Variants in SPARC observed in about 807,000 individuals in gnomAD.
SPARC encodes secreted protein acidic and cysteine rich.
SPARC carries 23 observed loss-of-function variants against 37.7 expected under a neutral mutation model. The observed-to-expected ratio is 0.61, with a 90% CI of 0.44 to 0.87. The LOEUF (loss-of-function observed/expected upper bound fraction) is 0.87, where lower values mean the gene tolerates loss of function less well. Among genes scored for constraint, SPARC ranks in the 40% least tolerant of loss-of-function variants. The pLI, the probability that SPARC is intolerant of heterozygous loss-of-function variation, is 0.00. For missense variants in SPARC, 312 were observed against 389.0 expected, an observed-to-expected ratio of 0.80 and a Z score of 1.66; for synonymous variants, 155 against 150.8, an observed-to-expected ratio of 1.03 and a Z score of -0.20.
chr5:151,674,197 G>C (rs1352493276), intron 3 of SPARC, among the ~76,000 whole-genome samples: 3 of 152,004 alleles, frequency 2.0e-5, no homozygotes, highest in Non-Finnish European at 4.4e-5. Flanking sequence ...ATTTTTAGTA[G>C]AGACAGGGTT....
chr5:151,673,001 T>TA, intron 4 of SPARC, 128 bp downstream of exon 4: 3 of 731,384 alleles, frequency 4.1e-6, no homozygotes, highest in Non-Finnish European at 7.5e-6. Flanking sequence ...CCGTGTTTCC[T>TA]TCATAGCCCA....
At position 151,661,635 on chromosome 5, in the gene SPARC, T is replaced by C. The variant is rs1258015234; in HGVS notation, c.*1936A>G. On this transcript the variant is annotated 3_prime_UTR_variant, in exon 10 of 10. Coordinates refer to ENST00000231061, the MANE Select transcript of SPARC (RefSeq NM_003118.4). ...AAATACGACACTAACATGATGAACA[T>C]GCATGAGCTTTGAAAAGTGCTCTGT... The C allele has an allele frequency of 1.3e-5, 2 of 152,166 alleles. No individual in the cohort carries two copies. The highest frequency in any genetic ancestry group is 6.5e-5 in the Admixed American group (1 of 15,276). The allele number at this position is 152,166 out of a possible 1,614,324, so 9.4% of individuals were successfully genotyped here. A position where few individuals can be genotyped will look rare whatever the true frequency, so the allele number is the denominator to read the frequency against.
chr5:151,669,628 C>T, intron 6 of SPARC, 36 bp downstream of exon 6: 1 of 1,609,022 alleles, frequency 6.2e-7, no homozygotes, highest in South Asian at 1.1e-5. Context: ...GCTCTCTCCC[C>T]AAGACAGGAG....
At chr5:151,663,901 G>T (rs1202609855) in intron 9 of SPARC, among the ~76,000 whole-genome samples, 186 bp downstream of exon 9, 1 of 152,208 alleles carries the variant, frequency 6.6e-6, no homozygotes, top group Non-Finnish European at 1.5e-5. Context: ...AGGGACAGTT[G>T]GATGGACAGA....
chr5:151,677,295 A>G lies in SPARC; in HGVS notation c.-13-1094T>C, dbSNP rs191036080. On this transcript the variant is annotated intron_variant, in intron 1 of 9. Coordinates refer to ENST00000231061, the MANE Select transcript of SPARC (RefSeq NM_003118.4). ...CTCCCTCAAACTTTCTGATCTGTCT[A>G]CCCCATCTCCCCTGCAGCCACAAAG... Among the ~76,000 whole-genome samples the G allele has an allele frequency of 1.5e-3, 227 of 152,140 alleles. 3 individuals are homozygous for G. Among genetic ancestry groups the G allele is most frequent in the African/African-American group, 5.3e-3 (219 of 41,486 alleles).
chr5:151,677,340 C>T (rs1760879913), intron 1 of SPARC, among the ~76,000 whole-genome samples: 2 of 152,190 alleles, frequency 1.3e-5, no homozygotes, highest in Admixed American at 6.5e-5. Context: ...GCTCTCTCTA[C>T]CCACAAATAA....
In SPARC at chr5:151,664,188, G is replaced by A. The variant is rs1321364517; in HGVS notation, c.782C>T (p.Pro261Leu). ...AAAGCGGGTGGTGCAATGCTCCATG[G>A]GGATGAGGGGAGCACGCAGTGGAGC... ...ELAPLRAPLI[P>L]MEHCTTRFFE... Residue 261 changes from proline to leucine, a missense_variant, in exon 9 of 10, where the codon CCC becomes CTC. Pro to Leu is a moderately conservative substitution (Grantham distance 98, BLOSUM62 -3). Coordinates refer to ENST00000231061, the MANE Select transcript of SPARC (RefSeq NM_003118.4). 2 of 1,614,030 alleles carry A rather than the reference G, an allele frequency of 1.2e-6. No homozygotes were observed. The highest frequency in any genetic ancestry group is 1.7e-6 in the Non-Finnish European group (2 of 1,179,992).
chr5:151,680,519 A>G (rs1760965005), intron 1 of SPARC, among the ~76,000 whole-genome samples: 1 of 152,166 alleles, frequency 6.6e-6, no homozygotes, highest in Non-Finnish European at 1.5e-5. Context: ...TATAGGCGTG[A>G]GCCACCATGC....
At chr5:151,674,820 T>C (rs1760822716) in intron 2 of SPARC, 146 bp from the exon 3 acceptor site, 2 of 705,632 alleles carry the variant, frequency 2.8e-6, no homozygotes, top group Non-Finnish European at 4.9e-6. Flanking sequence ...TGGACTGCCA[T>C]GGTGAGGGAC....
intron 1 of SPARC, among the ~76,000 whole-genome samples, chr5:151,678,432 C>G (rs950885127): frequency 5.9e-5 from 9 of 152,160 alleles, no homozygotes; most frequent in African/African-American, 2.2e-4. Context: ...CTGTTGCAGC[C>G]AGAAGAGAAA....
Position 151,676,151 on chromosome 5 carries a change from C to T in SPARC, c.38G>A (p.Gly13Glu). ...ACTTACAGGGGCTGCCAAGGCCCTC[C>T]CGGCCAGGCAAAGGAGAAAGAAGAT... Reference protein sequence around the residue: ...AWIFFLLCLAGRALAAPQQEA... With the variant: ...AWIFFLLCLAERALAAPQQEA... The change falls in exon 2 of 10, where the codon GGG becomes GAG. Residue 13 changes from glycine (G) to glutamate (E), a missense_variant. Gly to Glu is a moderately conservative substitution (Grantham distance 98, BLOSUM62 -2). Transcript: ENST00000231061. 1 of 1,612,236 alleles carries T rather than the reference C, an allele frequency of 6.2e-7. No individual in the cohort carries two copies. The highest frequency in any genetic ancestry group is 1.3e-5 in the African/African-American group (1 of 75,030).
At position 151,666,528 on chromosome 5, in the gene SPARC, T is replaced by C; in HGVS notation, c.586-19A>G. 3.7e-6 allele frequency: 6 copies of C among 1,611,532 alleles called. No homozygotes were observed. The highest frequency in any genetic ancestry group is 5.1e-6 in the Non-Finnish European group (6 of 1,178,640). On this transcript the variant is annotated intron_variant, in intron 7 of 9. Coordinates refer to ENST00000231061, the MANE Select transcript of SPARC (RefSeq NM_003118.4). ...TCTTCACCTGAGGGAGTAGAGACTG[T>C]GTGTGACAAGAGGTCCATGGAGATT... is the stretch of plus-strand genomic sequence containing the variant.
At chr5:151,684,346 GT>G (rs1425193331) in intron 1 of SPARC, among the ~76,000 whole-genome samples, 1 of 151,908 alleles carries the variant, frequency 6.6e-6, no homozygotes, top group Non-Finnish European at 1.5e-5. Flanking sequence ...CTATTTAACA[GT>G]TTGGGAAACT....
At chr5:151,675,607 C>T (rs1760838282) in intron 2 of SPARC, among the ~76,000 whole-genome samples, 1 of 152,194 alleles carries the variant, frequency 6.6e-6, no homozygotes, top group Non-Finnish European at 1.5e-5. Context: ...TCTTAACTCC[C>T]AAAGCCTAGA....
chr5:151,674,863 G>A (rs961544841), intron 2 of SPARC, among the ~76,000 whole-genome samples, 189 bp from the exon 3 acceptor site: 5 of 152,194 alleles, frequency 3.3e-5, no homozygotes, highest in African/African-American at 7.2e-5. Flanking sequence ...TGTGAGCACC[G>A]TGGAACACTC....
intron 8 of SPARC, among the ~76,000 whole-genome samples, chr5:151,664,799 T>C (rs1313072087): frequency 2.0e-5 from 3 of 152,116 alleles, no homozygotes; most frequent in Non-Finnish European, 4.4e-5. Context: ...GCTCTAACCA[T>C]CTTCATAGAG....
In SPARC at chr5:151,666,496, T is replaced by C. The variant is rs1760624311; in HGVS notation, c.599A>G (p.His200Arg). The C allele has an allele frequency of 1.2e-6, 2 of 1,613,974 alleles. No individual in the cohort carries two copies. The highest frequency in any genetic ancestry group is 1.7e-6 in the Non-Finnish European group (2 of 1,179,982). ...TGCCTCCAGGCGCTTCTCATTCTCA[T>C]GGATCTTCTTCACCTGAGGGAGTAG... ...EKQKLRVKKIHENEKRLEAGD... is the reference protein window; with the variant it reads ...EKQKLRVKKIRENEKRLEAGD... The change falls in exon 8 of 10, where the codon CAT (histidine) becomes CGT (arginine). Residue 200 changes from histidine (H) to arginine (R), a missense_variant. Transcript: ENST00000231061.
intron 8 of SPARC, among the ~76,000 whole-genome samples, chr5:151,664,842 G>A (rs1174098093): frequency 6.6e-6 from 1 of 152,094 alleles, no homozygotes; most frequent in Non-Finnish European, 1.5e-5. Flanking sequence ...GTCTGAGAGG[G>A]AGGCCCTTTG....
rs1349650818 is a variant in SPARC, at chr5:151,673,113, C to T, written c.208+16G>A. 28 of 1,600,870 alleles carry T rather than the reference C, an allele frequency of 1.7e-5. No individual in the cohort carries two copies. Among genetic ancestry groups the T allele is most frequent in the Non-Finnish European group, 2.3e-5 (27 of 1,167,996 alleles). On this transcript the variant is annotated intron_variant, in intron 4 of 9. Transcript: ENST00000231061. ...AGGGCAGCTTGGATGTGCCAAGTTA[C>T]AGGGAAGGGACATACTTTCCGCCAC...
Sources: gnomAD v4.1 joint callset for allele counts (sites outside exome capture counted in the v4.1 genomes callset) on GRCh38, gnomAD v4.1.1 for gene constraint, MANE v1.5 for transcripts, NCBI Gene and HGNC (gene_info 2026-07-23, HGNC 2026-07-21) for gene names.